Variants in FGF5 observed in about 807,000 individuals in gnomAD.
The protein encoded by FGF5 is fibroblast growth factor 5.
A neutral mutation model predicts 21.8 loss-of-function variants in FGF5; 23 were observed. That is an observed-to-expected ratio of 1.05 (90% CI 0.76 to 1.49). The LOEUF is 1.49. Ranked by LOEUF, FGF5 falls within the 40% of genes most tolerant of loss-of-function variation. The pLI, the probability that FGF5 is intolerant of heterozygous loss-of-function variation, is 0.00. For synonymous variants in FGF5, 158 were observed against 124.0 expected, an observed-to-expected ratio of 1.27 and a Z score of -1.82; for missense variants, 352 against 332.9, an observed-to-expected ratio of 1.06 and a Z score of -0.45.
At chr4:80,279,491 C>T (rs6827834) in intron 2 of FGF5, among the ~76,000 whole-genome samples, 87,133 of 151,994 alleles carry the variant, frequency 0.57, 28,201 homozygotes, top group African/African-American at 0.88. Flanking sequence ...TTATCACTGA[C>T]CTTTTCTTCC....
In FGF5 at chr4:80,288,535, T is replaced by C. The variant is rs970157409; in HGVS notation, c.*1863T>C. On this transcript the variant is annotated 3_prime_UTR_variant, in exon 3 of 3. Coordinates refer to ENST00000312465, the MANE Select transcript of FGF5 (RefSeq NM_004464.4). ...GGTTAAATGAAACAATGAAATTTTT[T>C]AGTATGTTCAACTCTCATCCAAATG... The C allele has an allele frequency of 6.6e-6, 1 of 152,178 alleles. No individual in the cohort carries two copies. The highest frequency in any genetic ancestry group is 2.4e-5 in the African/African-American group (1 of 41,448). The allele number at this position is 152,178 out of a possible 1,614,324, so 9.4% of individuals were successfully genotyped here. A position where few individuals can be genotyped will look rare whatever the true frequency, so the allele number is the denominator to read the frequency against.
At chr4:80,268,496 C>A (rs1578290248) in intron 1 of FGF5, 2 of 986,022 alleles carry the variant, frequency 2.0e-6, no homozygotes, top group South Asian at 4.7e-5. Context: ...TCCAGAGGAG[C>A]GTGGACACCA....
Position 80,288,254 on chromosome 4 carries a change from T to A in FGF5, c.*1582T>A, listed in dbSNP as rs1421802319. 6.6e-6 allele frequency: 1 copy of A among 152,130 alleles called. No homozygotes were observed. The highest frequency in any genetic ancestry group is 2.4e-5 in the African/African-American group (1 of 41,448). 9.4% of individuals were successfully genotyped at this position (152,130 alleles called of 1,614,324 possible). On this transcript the variant is annotated 3_prime_UTR_variant, in exon 3 of 3. Coordinates refer to ENST00000312465, the MANE Select transcript of FGF5 (RefSeq NM_004464.4). ...GGTGCACAAATACAAAGTGGAAACT[T>A]ACCAAAATTGAACTAGCTACCATAT... is the stretch of plus-strand genomic sequence containing the variant.
intron 2 of FGF5, among the ~76,000 whole-genome samples, chr4:80,275,635 A>G (rs1578293723): frequency 6.6e-6 from 1 of 152,190 alleles, no homozygotes; most frequent in African/African-American, 2.4e-5. Flanking sequence ...CCAGTTTTAT[A>G]TATTGTAATC....
intron 2 of FGF5, among the ~76,000 whole-genome samples, chr4:80,285,895 G>GGATTTATATTTT (rs1188018060): frequency 1.3e-5 from 2 of 152,044 alleles, no homozygotes; most frequent in Non-Finnish European, 2.9e-5. Context: ...TCATTTCTGT[G>GGATTTATATTTT]AACAGGAATT....
chr4:80,283,009 C>T (rs1720601057), intron 2 of FGF5, among the ~76,000 whole-genome samples: 1 of 152,132 alleles, frequency 6.6e-6, no homozygotes, highest in Non-Finnish European at 1.5e-5. Flanking sequence ...TAGAGATATA[C>T]TGCTTAGGGT....
At chr4:80,286,128 G>A (rs1171883050) in intron 2 of FGF5, among the ~76,000 whole-genome samples, 197 bp from the exon 3 acceptor site, 1 of 152,024 alleles carries the variant, frequency 6.6e-6, no homozygotes, top group Non-Finnish European at 1.5e-5. Context: ...AAAGATAAAT[G>A]AAGTAGAAAT....
rs571736373 is a variant in FGF5, at chr4:80,275,318, G to A, written c.459+306G>A. The stretch of plus-strand genomic sequence containing the variant: ...AGTGGCCCACGTAAGAAGGAATATG[G>A]CAATAATATATTTCATCACATTTTA... On this transcript the variant is annotated intron_variant, in intron 2 of 2. Coordinates refer to ENST00000312465, the MANE Select transcript of FGF5 (RefSeq NM_004464.4). 5.3e-5 allele frequency among the ~76,000 whole-genome samples: 8 copies of A among 151,984 alleles called. No individual in the cohort carries two copies. In the South Asian group the frequency reaches 1.5e-3, roughly 28 times the overall value.
At position 80,266,879 on chromosome 4, in the gene FGF5, T is replaced by C. The variant is rs1720102779; in HGVS notation, c.55T>C (p.Trp19Arg). Residue 19 changes from tryptophan to arginine, a missense_variant, in exon 1 of 3, where the codon TGG (tryptophan) becomes CGG (arginine). Trp to Arg is a moderately radical substitution (Grantham distance 101, BLOSUM62 -3). Coordinates refer to ENST00000312465, the MANE Select transcript of FGF5 (RefSeq NM_004464.4). ...CTTCAGCCACCTGATCCTCAGCGCC[T>C]GGGCTCACGGGGAGAAGCGTCTCGC... is the stretch of plus-strand genomic sequence containing the variant. ...LFFSHLILSA[W>R]AHGEKRLAPK... 1.2e-6 allele frequency: 2 copies of C among 1,612,306 alleles called. No homozygotes were observed. The highest frequency in any genetic ancestry group is 1.7e-6 in the Non-Finnish European group (2 of 1,179,322).
At chr4:80,267,760 C>A (rs201880329) in intron 1 of FGF5, among the ~76,000 whole-genome samples, 1 of 107,566 alleles carries the variant, frequency 9.3e-6, no homozygotes, top group African/African-American at 5.6e-5. Context: ...TAGATAGATA[C>A]ACAGATAGAT....
intron 2 of FGF5, among the ~76,000 whole-genome samples, chr4:80,282,551 C>T (rs1312885237): frequency 6.6e-6 from 1 of 152,146 alleles, no homozygotes; most frequent in Non-Finnish European, 1.5e-5. Flanking sequence ...CTGTTTTCCA[C>T]TGTAAAAGTG....
intron 2 of FGF5, among the ~76,000 whole-genome samples, chr4:80,281,569 T>C (rs1384990884): frequency 1.3e-5 from 2 of 152,184 alleles, no homozygotes; most frequent in Non-Finnish European, 2.9e-5. Context: ...AGGTTTATAC[T>C]GGTGTCTGTT....
At chr4:80,280,350 T>G (rs1484487599) in intron 2 of FGF5, among the ~76,000 whole-genome samples, 1 of 152,234 alleles carries the variant, frequency 6.6e-6, no homozygotes, top group Non-Finnish European at 1.5e-5. Context: ...GTGATTGCCT[T>G]GTAGATTCAG....
intron 2 of FGF5, among the ~76,000 whole-genome samples, chr4:80,277,882 T>C (rs58206723): frequency 0.01 from 1,547 of 152,238 alleles, 22 homozygotes; most frequent in African/African-American, 0.032. Flanking sequence ...TTTGTAATAA[T>C]AATCAGAGTA....
chr4:80,288,033 A>G lies in FGF5; in HGVS notation c.*1361A>G, dbSNP rs1336441315. ...AATTTACAAAATTTATTCTCAGGTA[A>G]TCATTTTAATAAAGTTCTGCAAAAT... is the stretch of plus-strand genomic sequence containing the variant. On this transcript the variant is annotated 3_prime_UTR_variant, in exon 3 of 3. Coordinates refer to ENST00000312465, the MANE Select transcript of FGF5 (RefSeq NM_004464.4). 6.6e-6 allele frequency: 1 copy of G among 152,182 alleles called. No individual in the cohort carries two copies. The highest frequency in any genetic ancestry group is 1.5e-5 in the Non-Finnish European group (1 of 68,018). The allele number at this position is 152,182 out of a possible 1,614,324, so 9.4% of individuals were successfully genotyped here.
At chr4:80,279,912 T>C (rs1288483983) in intron 2 of FGF5, among the ~76,000 whole-genome samples, 3 of 152,208 alleles carry the variant, frequency 2.0e-5, no homozygotes, top group African/African-American at 7.2e-5. Context: ...TGATCAGTCC[T>C]AAGCAAGGAA....
chr4:80,266,702 C>G lies in FGF5; in HGVS notation c.-123C>G, dbSNP rs1319811376. On this transcript the variant is annotated 5_prime_UTR_variant, in exon 1 of 3. Coordinates refer to ENST00000312465, the MANE Select transcript of FGF5 (RefSeq NM_004464.4). ...CTCTCTTCCCCTCTCCCCTTCTCTT[C>G]CCCGAGGCTATGTCCACCCGGTGCG... The G allele has an allele frequency of 4.5e-5, 37 of 828,266 alleles. No homozygotes were observed. The highest frequency in any genetic ancestry group is 6.2e-5 in the Non-Finnish European group (33 of 528,060). The allele number at this position is 828,266 out of a possible 1,614,324, so 51.3% of individuals were successfully genotyped here. A position where few individuals can be genotyped will look rare whatever the true frequency, so the allele number is the denominator to read the frequency against.
At chr4:80,268,670 C>T (rs964080819) in intron 1 of FGF5, 18 of 297,924 alleles carry the variant, frequency 6.0e-5, no homozygotes, top group Non-Finnish European at 8.5e-5. Context: ...ATGCCCGCCC[C>T]TCTGCGCCTG....
chr4:80,289,181 C>A lies in FGF5; in HGVS notation c.*2509C>A, dbSNP rs775826914. The A allele has an allele frequency of 6.6e-6, 1 of 151,818 alleles. No individual in the cohort carries two copies. 9.4% of individuals were successfully genotyped at this position (151,818 alleles called of 1,614,324 possible). On this transcript the variant is annotated 3_prime_UTR_variant, in exon 3 of 3. Transcript: ENST00000312465. The stretch of plus-strand genomic sequence containing the variant: ...CTAATTTTTGTATTTTTAGTAGAGA[C>A]GGGGTTTCACCATGTTGGTCAGGAT...
Sources: gnomAD v4.1 joint callset for allele counts (sites outside exome capture counted in the v4.1 genomes callset) on GRCh38, gnomAD v4.1.1 for gene constraint, MANE v1.5 for transcripts, NCBI Gene and HGNC (gene_info 2026-07-23, HGNC 2026-07-21) for gene names.